Variants in HIVEP1 observed in about 807,000 individuals in gnomAD.
HIVEP1 encodes HIVEP zinc finger 1.
A neutral mutation model predicts 180.0 loss-of-function variants in HIVEP1; 36 were observed. That is an observed-to-expected ratio of 0.20 (90% CI 0.15 to 0.26). The LOEUF is 0.26. HIVEP1 is among the 10% of genes least tolerant of loss of function. HIVEP1 has a pLI of 1.00. For missense variants in HIVEP1, 3,143 were observed against 3,268.7 expected, an observed-to-expected ratio of 0.96 and a Z score of 0.94; for synonymous variants, 1,239 against 1,239.0, an observed-to-expected ratio of 1.00 and a Z score of 0.00.
At chr6:12,093,050 C>CA (rs1178930147) in intron 3 of HIVEP1, among the ~76,000 whole-genome samples, 1 of 152,020 alleles carries the variant, frequency 6.6e-6, no homozygotes, top group East Asian at 1.9e-4. Flanking sequence ...CTATTTTTTA[C>CA]AAAAAATACT....
At chr6:12,056,287 T>C (rs1040804444) in intron 2 of HIVEP1, among the ~76,000 whole-genome samples, 7 of 152,170 alleles carry the variant, frequency 4.6e-5, no homozygotes, top group African/African-American at 1.7e-4. Context: ...GTACTTACTA[T>C]GTTGTATAGA....
At chr6:12,045,484 G>A (rs1446747320) in intron 2 of HIVEP1, among the ~76,000 whole-genome samples, 1 of 152,240 alleles carries the variant, frequency 6.6e-6, no homozygotes, top group Non-Finnish European at 1.5e-5. Flanking sequence ...TAGAAAGGAG[G>A]CCCAGGACCA....
chr6:12,073,813 G>A (rs1353251218), intron 2 of HIVEP1, among the ~76,000 whole-genome samples: 2 of 152,072 alleles, frequency 1.3e-5, no homozygotes, highest in Non-Finnish European at 2.9e-5. Context: ...TCATGTTAAA[G>A]GATTAAGACA....
At chr6:12,061,970 T>G (rs1771266535) in intron 2 of HIVEP1, among the ~76,000 whole-genome samples, 1 of 152,186 alleles carries the variant, frequency 6.6e-6, no homozygotes, top group Admixed American at 6.5e-5. Flanking sequence ...GTATTAATAT[T>G]GTTTTATAGT....
In HIVEP1 at chr6:12,123,321, G is replaced by T. The variant is rs561303859; in HGVS notation, c.3526G>T (p.Val1176Leu). ...NRTGKSGSLK[V>L]IGISQEESHP... ...AACGGGGAAGTCCGGGTCTCTAAAA[G>T]TGATAGGAATCTCCCAAGAGGAAAG... Residue 1176 changes from valine (V) to leucine (L), a missense_variant, in exon 4 of 9, where the codon GTG becomes TTG. Val to Leu is a conservative substitution (Grantham distance 32, BLOSUM62 1). Around this residue, in one of 12 missense-constraint regions of HIVEP1, gnomAD observed 1,357 missense variants for 1,260.5 expected, o/e 1.08. Transcript: ENST00000379388. 1.2e-6 allele frequency: 2 copies of T among 1,614,146 alleles called. No homozygotes were observed. Among genetic ancestry groups the T allele is most frequent in the African/African-American group, 2.7e-5 (2 of 75,020 alleles).
At position 12,149,495 on chromosome 6, in the gene HIVEP1, G is replaced by C. The variant is rs1364796522; in HGVS notation, c.6488-11944G>C. The stretch of plus-strand genomic sequence containing the variant: ...AACAAAATGTACTAAACACTTAAGA[G>C]GCAGTCAGTGTTACTACAAAGCACC... On this transcript the variant is annotated intron_variant, in intron 7 of 8. Transcript: ENST00000379388. Among the ~76,000 whole-genome samples, 3 of 152,204 alleles carry C rather than the reference G, an allele frequency of 2.0e-5. No individual in the cohort carries two copies. In the East Asian group the frequency reaches 5.8e-4, roughly 29 times the overall value.
intron 8 of HIVEP1, among the ~76,000 whole-genome samples, chr6:12,163,071 T>C (rs949975916): frequency 6.6e-5 from 10 of 152,248 alleles, no homozygotes; most frequent in Non-Finnish European, 1.5e-4. Flanking sequence ...CCATTATTTC[T>C]ACCAGAAACG....
At chr6:12,062,839 A>G (rs1005210068) in intron 2 of HIVEP1, among the ~76,000 whole-genome samples, 4 of 152,248 alleles carry the variant, frequency 2.6e-5, no homozygotes, top group Admixed American at 2.6e-4. Context: ...GCGTATTGAA[A>G]GTATAGTGTA....
the HIVEP1 span, among the ~76,000 whole-genome samples, chr6:12,173,270 A>G: frequency 3.3e-5 from 5 of 152,188 alleles, no homozygotes; most frequent in Admixed American, 2.6e-4. Context: ...TATATTATGA[A>G]GTTCCTGAGT....
chr6:12,046,510 G>A (rs1581571314), intron 2 of HIVEP1, among the ~76,000 whole-genome samples: 1 of 152,338 alleles, frequency 6.6e-6, no homozygotes, highest in East Asian at 1.9e-4. Context: ...GCCAGGTGCG[G>A]TGGCTCACGC....
At chr6:12,206,413 G>A in the HIVEP1 span, among the ~76,000 whole-genome samples, 1 of 152,126 alleles carries the variant, frequency 6.6e-6, no homozygotes, top group Non-Finnish European at 1.5e-5. Context: ...GGGATTACAG[G>A]CGTGAGCTAC....
the HIVEP1 span, among the ~76,000 whole-genome samples, chr6:12,188,314 T>C: frequency 6.0e-4 from 92 of 152,324 alleles, no homozygotes; most frequent in African/African-American, 2.1e-3. Context: ...TCATGGAAAC[T>C]ATAGAGATTT....
Position 12,088,873 on chromosome 6 carries a change from G to A in HIVEP1, c.41-311G>A, listed in dbSNP as rs186294934. Reference sequence around the variant, plus strand: ...ATTAGGTACTTTGTATGTAAAGATAGTATTATTTTTAGATACTTTGATTAG... The same window carrying A: ...ATTAGGTACTTTGTATGTAAAGATAATATTATTTTTAGATACTTTGATTAG... On this transcript the variant is annotated intron_variant, in intron 2 of 8. Coordinates refer to ENST00000379388, the MANE Select transcript of HIVEP1 (RefSeq NM_002114.4). 1.1e-4 allele frequency among the ~76,000 whole-genome samples: 16 copies of A among 152,202 alleles called. 1 individual carries two copies. The East Asian group carries it at 3.1e-3, about 29-fold the overall frequency.
At chr6:12,017,460 G>C (rs546165754) in intron 2 of HIVEP1, among the ~76,000 whole-genome samples, 336 of 152,348 alleles carry the variant, frequency 2.2e-3, no homozygotes, top group Admixed American at 2.9e-3. Flanking sequence ...GACTCAAAGA[G>C]CAAGCAGTAG....
chr6:12,013,061 G>A (rs1767485528), intron 1 of HIVEP1, among the ~76,000 whole-genome samples: 1 of 152,140 alleles, frequency 6.6e-6, no homozygotes, highest in Non-Finnish European at 1.5e-5. Flanking sequence ...GGCTCGGGAA[G>A]GAGTTGCTGG....
chr6:12,206,327 G>A, the HIVEP1 span, among the ~76,000 whole-genome samples: 2 of 152,020 alleles, frequency 1.3e-5, no homozygotes, highest in African/African-American at 2.4e-5. Context: ...TAGAGACAGG[G>A]TTTCACCATG....
chr6:12,211,348 C>A, the HIVEP1 span, among the ~76,000 whole-genome samples: 1 of 104,484 alleles, frequency 9.6e-6, no homozygotes, highest in Non-Finnish European at 1.9e-5. Context: ...TGCAGTGAGC[C>A]GAGATCGCGC....
chr6:12,187,185 A>G, the HIVEP1 span, among the ~76,000 whole-genome samples: 1 of 152,212 alleles, frequency 6.6e-6, no homozygotes, highest in Non-Finnish European at 1.5e-5. Flanking sequence ...AGCAGAGGAC[A>G]CATTTGCAAA....
At chr6:12,053,082 C>T (rs576927197) in intron 2 of HIVEP1, among the ~76,000 whole-genome samples, 19 of 152,210 alleles carry the variant, frequency 1.2e-4, no homozygotes, top group African/African-American at 4.3e-4. Context: ...TCTTCAAGAT[C>T]GGAAGACTTT....
Sources: gnomAD v4.1 joint callset for allele counts (sites outside exome capture counted in the v4.1 genomes callset) on GRCh38, gnomAD v4.1.1 for gene constraint, gnomAD v4.1.1 regional missense constraint, MANE v1.5 for transcripts, NCBI Gene and HGNC (gene_info 2026-07-23, HGNC 2026-07-21) for gene names.